Variants in COMMD1 observed in about 807,000 individuals in gnomAD.
COMMD1 encodes the protein copper metabolism domain containing 1, also known as COMM domain-containing protein 1.
In COMMD1, 10 loss-of-function variants were observed where a neutral mutation model predicts 17.2. That is an observed-to-expected ratio of 0.58 (90% CI 0.36 to 0.99). COMMD1 has a LOEUF of 0.99. Ranked by LOEUF, COMMD1 falls within the 50% of genes least tolerant of loss-of-function variation. The pLI is 0.01. For synonymous variants in COMMD1, 97 were observed against 91.6 expected (o/e 1.06, Z -0.34); for missense variants, 270 against 231.8 (o/e 1.17, Z -1.07).
chr2:62,021,541 G>C (rs540800988), intron 2 of COMMD1, among the ~76,000 whole-genome samples: 7 of 152,316 alleles, frequency 4.6e-5, no homozygotes, highest in Non-Finnish European at 8.8e-5. Context: ...TACAGGATCA[G>C]AGAAGTATTG....
intron 2 of COMMD1, among the ~76,000 whole-genome samples, chr2:62,077,630 T>A (rs563472543): frequency 4.6e-5 from 7 of 152,010 alleles, no homozygotes; most frequent in African/African-American, 1.7e-4. Flanking sequence ...ACCTAATCTT[T>A]GTAACAAAAA....
chr2:61,990,903 T>TATACACAC lies in COMMD1; in HGVS notation c.181-9797_181-9796insTACACACA, dbSNP rs776666143. Reference sequence around the variant, plus strand: ...AAAAAAAAAAAAAAATATATATATATACACACACACACACACACACACACA... The same window carrying TATACACAC: ...AAAAAAAAAAAAAAATATATATATATATACACACACACACACACACACACACACACACA... On this transcript the variant is annotated intron_variant, in intron 1 of 2. Coordinates refer to ENST00000311832, the MANE Select transcript of COMMD1 (RefSeq NM_152516.4). Among the ~76,000 whole-genome samples the TATACACAC allele has an allele frequency of 6.9e-3, 803 of 116,158 alleles. 6 individuals are homozygous for TATACACAC. Among genetic ancestry groups the TATACACAC allele is most frequent in the Non-Finnish European group, 0.011 (626 of 58,876 alleles). The allele number at this position is 116,158 out of a possible 152,430, so 76.2% of individuals were successfully genotyped here. A position where few individuals can be genotyped will look rare whatever the true frequency, so the allele number is the denominator to read the frequency against.
At chr2:61,956,772 G>T (rs1014146146) in intron 1 of COMMD1, among the ~76,000 whole-genome samples, 5 of 151,308 alleles carry the variant, frequency 3.3e-5, no homozygotes, top group African/African-American at 9.7e-5. Flanking sequence ...TGTTTTTTGC[G>T]ATGGGGTCTC....
At chr2:61,918,059 C>A (rs908832542) in intron 1 of COMMD1, among the ~76,000 whole-genome samples, 1 of 152,128 alleles carries the variant, frequency 6.6e-6, no homozygotes, top group Non-Finnish European at 1.5e-5. Flanking sequence ...TATTGGCTTG[C>A]CAATGCACTG....
At chr2:61,995,326 T>C (rs1272366674) in intron 1 of COMMD1, among the ~76,000 whole-genome samples, 1 of 152,170 alleles carries the variant, frequency 6.6e-6, no homozygotes, top group Non-Finnish European at 1.5e-5. Flanking sequence ...ATTACGTATA[T>C]ATAACAATGT....
At chr2:61,905,962 T>A in intron 1 of COMMD1, 104 bp downstream of exon 1, 1 of 1,193,100 alleles carries the variant, frequency 8.4e-7, no homozygotes, top group Non-Finnish European at 1.2e-6. Context: ...GCCGAAAGGC[T>A]TTTCCCTCTC....
intron 2 of COMMD1, among the ~76,000 whole-genome samples, chr2:62,003,097 G>A (rs532635982): frequency 2.6e-5 from 4 of 152,176 alleles, no homozygotes; most frequent in African/African-American, 7.2e-5. Context: ...GCTGGGCATG[G>A]TGGCAGGCAC....
At chr2:61,949,932 A>G (rs1558533020) in intron 1 of COMMD1, among the ~76,000 whole-genome samples, 1 of 152,214 alleles carries the variant, frequency 6.6e-6, no homozygotes, top group Non-Finnish European at 1.5e-5. Flanking sequence ...TAGAAAACCA[A>G]TAACGAGAAT....
chr2:61,984,883 G>T lies in COMMD1; in HGVS notation c.181-15818G>T, dbSNP rs184005619. On this transcript the variant is annotated intron_variant, in intron 1 of 2. Coordinates refer to ENST00000311832, the MANE Select transcript of COMMD1 (RefSeq NM_152516.4). ...ATTGTTTTATTGTTTTGCTGAATTG[G>T]CTCTTTTATCATATAATGACTTTTT... 2.5e-3 allele frequency among the ~76,000 whole-genome samples: 378 copies of T among 151,220 alleles called. 1 individual carries two copies. The highest frequency in any genetic ancestry group is 8.0e-3 in the African/African-American group (330 of 41,258).
At chr2:61,907,730 G>A (rs193179231) in intron 1 of COMMD1, among the ~76,000 whole-genome samples, 232 of 151,652 alleles carry the variant, frequency 1.5e-3, no homozygotes, top group African/African-American at 4.6e-3. Context: ...TGCTTTTGTT[G>A]CCCAGGCTGG....
chr2:61,908,202 A>G (rs1669819488), intron 1 of COMMD1, among the ~76,000 whole-genome samples: 1 of 150,114 alleles, frequency 6.7e-6, no homozygotes, highest in Non-Finnish European at 1.5e-5. Flanking sequence ...TCAGGATGAC[A>G]TTCAGTTCCA....
upstream of COMMD1, among the ~76,000 whole-genome samples, chr2:61,902,753 G>C (rs914622032): frequency 2.0e-5 from 3 of 152,098 alleles, no homozygotes; most frequent in Admixed American, 1.3e-4. Context: ...CCTGAGATCG[G>C]AGGATAACTT....
intron 2 of COMMD1, among the ~76,000 whole-genome samples, chr2:62,109,321 T>C (rs1362256263): frequency 6.6e-6 from 1 of 152,214 alleles, no homozygotes; most frequent in Non-Finnish European, 1.5e-5. Context: ...TCCAAAGCTC[T>C]TGGGGACAAT....
chr2:61,902,563 A>G (rs144835295), upstream of COMMD1, among the ~76,000 whole-genome samples: 6 of 152,278 alleles, frequency 3.9e-5, no homozygotes, highest in African/African-American at 1.4e-4. Context: ...TAGAAAATGG[A>G]CAAGGAAATA....
At chr2:62,095,765 A>T (rs1671983227) in intron 2 of COMMD1, among the ~76,000 whole-genome samples, 2 of 126,698 alleles carry the variant, frequency 1.6e-5, no homozygotes, top group East Asian at 2.1e-4. Context: ...TCCTGGAATT[A>T]AAAAAAATGG....
At chr2:61,983,932 T>C (rs1486001893) in intron 1 of COMMD1, among the ~76,000 whole-genome samples, 1 of 152,230 alleles carries the variant, frequency 6.6e-6, no homozygotes, top group African/African-American at 2.4e-5. Context: ...ATGTTGTTTA[T>C]TTGAAGTTTT....
intron 1 of COMMD1, among the ~76,000 whole-genome samples, chr2:61,925,070 T>C (rs1353204750): frequency 6.6e-6 from 1 of 151,888 alleles, no homozygotes; most frequent in East Asian, 1.9e-4. Flanking sequence ...GGTGGAGGCT[T>C]TGATGCATTG....
chr2:62,100,988 T>G (rs1672163442), intron 2 of COMMD1, among the ~76,000 whole-genome samples: 1 of 152,074 alleles, frequency 6.6e-6, no homozygotes, highest in African/African-American at 2.4e-5. Context: ...AGAGTCTGAT[T>G]GGAAAGTAAG....
chr2:61,903,542 A>T (rs1669702780), upstream of COMMD1, among the ~76,000 whole-genome samples: 1 of 150,192 alleles, frequency 6.7e-6, no homozygotes, highest in South Asian at 2.1e-4. Context: ...TGAAAGGGGC[A>T]TTTCAGTTGT....
Sources: gnomAD v4.1 joint callset for allele counts (sites outside exome capture counted in the v4.1 genomes callset) on GRCh38, gnomAD v4.1.1 for gene constraint, MANE v1.5 for transcripts, NCBI Gene and HGNC (gene_info 2026-07-23, HGNC 2026-07-21) for gene names.